Variants in ZMYM2 observed in about 807,000 individuals in gnomAD.
The protein encoded by ZMYM2 is zinc finger MYM-type containing 2, also known as zinc finger MYM-type protein 2.
ZMYM2 carries 56 observed loss-of-function variants against 162.8 expected under a neutral mutation model. That is an observed-to-expected ratio of 0.34 (90% confidence interval 0.28 to 0.43). The LOEUF is 0.43. Among genes scored for constraint, ZMYM2 ranks in the 20% least tolerant of loss-of-function variants. The pLI, the probability that ZMYM2 is intolerant of heterozygous loss-of-function variation, is 1.00. For synonymous variants in ZMYM2, 510 were observed against 541.6 expected, an observed-to-expected ratio of 0.94 and a Z score of 0.81; for missense variants, 1,275 against 1,621.8, an observed-to-expected ratio of 0.79 and a Z score of 3.67.
intron 13 of ZMYM2, 122 bp downstream of exon 13, chr13:20,051,720 C>A (rs887737987): frequency 2.1e-6 from 2 of 960,230 alleles, no homozygotes; most frequent in Non-Finnish European, 2.9e-6. Flanking sequence ...ACTTAAATTC[C>A]GTAGATTCTC....
At chr13:19,889,671 C>A in the ZMYM2 span, among the ~76,000 whole-genome samples, 2 of 151,940 alleles carry the variant, frequency 1.3e-5, no homozygotes, top group South Asian at 4.1e-4. Flanking sequence ...ATGCTGATAC[C>A]ATTTATCTCT....
chr13:19,971,262 A>ATATATTTT (rs1329532735), intron 2 of ZMYM2, among the ~76,000 whole-genome samples: 1 of 78,330 alleles, frequency 1.3e-5, no homozygotes, highest in African/African-American at 4.6e-5. Context: ...ATATATATAT[A>ATATATTTT]TTTTTTTTTT....
chr13:19,878,033 C>G, the ZMYM2 span, among the ~76,000 whole-genome samples: 2 of 150,594 alleles, frequency 1.3e-5, no homozygotes, highest in East Asian at 4.0e-4. Context: ...ACATTCTTGC[C>G]AACACTGATT....
chr13:20,026,811 A>AT (rs1455675904), intron 8 of ZMYM2, 49 bp downstream of exon 8: 10 of 1,527,408 alleles, frequency 6.5e-6, no homozygotes, highest in Non-Finnish European at 7.9e-6. Context: ...AACGTAATTA[A>AT]TTTTTGCATA....
chr13:19,948,769 A>G, the ZMYM2 span, among the ~76,000 whole-genome samples: 675 of 152,356 alleles, frequency 4.4e-3, 1 homozygote, highest in Admixed American at 9.1e-3. Context: ...GGGGAAGGCT[A>G]TGCAGGTGTG....
chr13:20,058,515 A>G, intron 14 of ZMYM2, 60 bp from the exon 15 acceptor site: 1 of 1,561,530 alleles, frequency 6.4e-7, no homozygotes, highest in Non-Finnish European at 8.7e-7. Context: ...CTTCATTGAC[A>G]CTAGGAAGTA....
At chr13:19,890,168 T>C in the ZMYM2 span, among the ~76,000 whole-genome samples, 1 of 151,748 alleles carries the variant, frequency 6.6e-6, no homozygotes, top group Admixed American at 6.6e-5. Flanking sequence ...TTTCGTTTTG[T>C]TTTGTTCGTT....
At chr13:19,937,167 T>A in the ZMYM2 span, among the ~76,000 whole-genome samples, 2 of 152,096 alleles carry the variant, frequency 1.3e-5, no homozygotes, top group African/African-American at 4.8e-5. Flanking sequence ...TTTTTTTTCT[T>A]AAGATAGTTT....
intron 17 of ZMYM2, among the ~76,000 whole-genome samples, chr13:20,062,613 C>T (rs961876747): frequency 2.0e-5 from 3 of 152,108 alleles, no homozygotes; most frequent in Non-Finnish European, 4.4e-5. Context: ...AGGGAGTCCT[C>T]CTGTAAAATT....
At chr13:19,970,377 CTG>C (rs2139255131) in intron 2 of ZMYM2, among the ~76,000 whole-genome samples, 1 of 152,170 alleles carries the variant, frequency 6.6e-6, no homozygotes, top group African/African-American at 2.4e-5. Flanking sequence ...ATGTTACTAA[CTG>C]TAATTACGCA....
chr13:19,878,437 A>G, the ZMYM2 span, among the ~76,000 whole-genome samples: 1 of 151,734 alleles, frequency 6.6e-6, no homozygotes, highest in Non-Finnish European at 1.5e-5. Flanking sequence ...TCTGATTATT[A>G]GAGATGTCGA....
chr13:20,002,792 T>G, intron 3 of ZMYM2, 58 bp from the exon 4 acceptor site: 1 of 1,552,682 alleles, frequency 6.4e-7, no homozygotes, highest in East Asian at 2.3e-5. Context: ...ATATAAATTT[T>G]AATATGTATA....
chr13:20,006,388 C>G lies in ZMYM2; in HGVS notation c.1314C>G (p.Val438=). 6.3e-7 allele frequency: 1 copy of G among 1,586,354 alleles called. No individual in the cohort carries two copies. The highest frequency in any genetic ancestry group is 1.1e-5 in the South Asian group (1 of 87,688). Residue 438 remains valine (V), a synonymous_variant, in exon 6 of 25, where the codon GTC becomes GTG. Transcript: ENST00000610343. ...TTTTCTTTTAGATTCGCCATGAAGT[C>G]AGCTTTAAAAATATGACTCATAAGC... ...CGKLTEIRHE[V]SFKNMTHKLC...
chr13:20,019,107 A>AAC (rs796735130), intron 6 of ZMYM2, among the ~76,000 whole-genome samples: 13,266 of 133,744 alleles, frequency 0.099, 1,011 homozygotes, highest in African/African-American at 0.21. Flanking sequence ...CAACAACAAC[A>AAC]AAAAAAAACA....
At chr13:20,081,719 G>C (rs372496139) in intron 21 of ZMYM2, among the ~76,000 whole-genome samples, 1 of 151,790 alleles carries the variant, frequency 6.6e-6, no homozygotes, top group Non-Finnish European at 1.5e-5. Flanking sequence ...TAATAAACAC[G>C]GGAGTCAAAT....
chr13:20,008,596 A>T (rs1184143123), intron 6 of ZMYM2, among the ~76,000 whole-genome samples: 1 of 152,242 alleles, frequency 6.6e-6, no homozygotes, highest in Non-Finnish European at 1.5e-5. Flanking sequence ...AGATTTCCTA[A>T]TCTATTGAGC....
At chr13:19,969,958 C>A in intron 2 of ZMYM2, 2 of 800,436 alleles carry the variant, frequency 2.5e-6, no homozygotes, top group Non-Finnish European at 3.0e-6. Context: ...TTCTTAGTAC[C>A]TGAAGTCTAC....
intron 11 of ZMYM2, 75 bp downstream of exon 11, chr13:20,034,479 G>T: frequency 1.5e-6 from 2 of 1,314,046 alleles, no homozygotes; most frequent in Non-Finnish European, 2.0e-6. Context: ...TATATCCAGA[G>T]TGGCTGCACA....
intron 5 of ZMYM2, among the ~76,000 whole-genome samples, chr13:20,005,852 GT>G (rs1360361066): frequency 6.6e-6 from 1 of 152,118 alleles, no homozygotes; most frequent in East Asian, 1.9e-4. Flanking sequence ...CTCTAGAGAA[GT>G]TTGTAGTGAT....
Sources: gnomAD v4.1 joint callset for allele counts (sites outside exome capture counted in the v4.1 genomes callset) on GRCh38, gnomAD v4.1.1 for gene constraint, MANE v1.5 for transcripts, NCBI Gene and HGNC (gene_info 2026-07-23, HGNC 2026-07-21) for gene names.